B4GALT1: variants seen among roughly 807,000 people sequenced by gnomAD.
The protein encoded by B4GALT1 is beta-1,4-galactosyltransferase 1, also known as N-acetyllactosamine synthase.
B4GALT1 carries 16 observed loss-of-function variants against 34.9 expected under a neutral mutation model. The ratio of observed to expected loss-of-function variants is 0.46; its 90% confidence interval spans 0.31 to 0.70. The LOEUF is 0.70. B4GALT1 is among the 30% of genes least tolerant of loss of function. The pLI is 0.05. For missense variants in B4GALT1, 445 were observed against 530.5 expected (o/e 0.84, Z 1.58); for synonymous variants, 221 against 218.1 (o/e 1.01, Z -0.12).
intron 1 of B4GALT1, among the ~76,000 whole-genome samples, chr9:33,151,139 G>A (rs973632957): frequency 2.6e-5 from 4 of 152,152 alleles, no homozygotes; most frequent in African/African-American, 9.7e-5. Context: ...ACGAGAGACT[G>A]ACCCATCTAA....
downstream of B4GALT1, among the ~76,000 whole-genome samples, chr9:33,108,292 C>T (rs1161324065): frequency 6.6e-6 from 1 of 151,760 alleles, no homozygotes; most frequent in Non-Finnish European, 1.5e-5. Flanking sequence ...TAGTGAGATC[C>T]CTGTCTCTAA....
chr9:33,140,495 TA>T (rs11290421), intron 1 of B4GALT1, among the ~76,000 whole-genome samples: 56,352 of 151,466 alleles, frequency 0.37, 11,173 homozygotes, highest in East Asian at 0.59. Context: ...AAATTTAATT[TA>T]AAAAAAAAAT....
chr9:33,120,505 G>A lies in B4GALT1; in HGVS notation c.750C>T (p.Asp250=), dbSNP rs759084950. 4 of 1,614,176 alleles carry A rather than the reference G, an allele frequency of 2.5e-6. No individual in the cohort carries two copies. Among genetic ancestry groups the A allele is most frequent in the Non-Finnish European group, 3.4e-6 (4 of 1,180,028 alleles). ...DYTCFVFSDV[D]LIPMNDHNAY... is the part of the protein sequence containing the mutation. ...CATTATGGTCATTCATTGGAATGAGGTCCACGTCACTAAACACAAAGCAGG... is the reference window on the plus strand; with the variant it reads ...CATTATGGTCATTCATTGGAATGAGATCCACGTCACTAAACACAAAGCAGG... The change falls in exon 3 of 6, where the codon GAC becomes GAT. Residue 250 remains aspartate (D), a synonymous_variant. Coordinates refer to ENST00000379731, the MANE Select transcript of B4GALT1 (RefSeq NM_001497.4).
At chr9:33,124,699 C>T (rs886186306) in intron 2 of B4GALT1, among the ~76,000 whole-genome samples, 1 of 152,214 alleles carries the variant, frequency 6.6e-6, no homozygotes, top group African/African-American at 2.4e-5. Flanking sequence ...GCTTTCCCAT[C>T]CATCTTGAAC....
At chr9:33,124,048 T>C (rs1200540348) in intron 2 of B4GALT1, among the ~76,000 whole-genome samples, 2 of 152,196 alleles carry the variant, frequency 1.3e-5, no homozygotes, top group Non-Finnish European at 2.9e-5. Flanking sequence ...CTATCATCTA[T>C]CAGGGGCCGT....
At chr9:33,107,230 A>G (rs1839804429), downstream of B4GALT1, among the ~76,000 whole-genome samples, 1 of 152,210 alleles carries the variant, frequency 6.6e-6, no homozygotes, top group Admixed American at 6.5e-5. Flanking sequence ...CTTGCCTGCC[A>G]TGACCGGCTC....
chr9:33,120,308 G>A, intron 3 of B4GALT1, 111 bp downstream of exon 3: 2 of 1,191,146 alleles, frequency 1.7e-6, no homozygotes, highest in Non-Finnish European at 2.5e-6. Context: ...CTCAGAGGAG[G>A]CATTCTGCTC....
At chr9:33,160,985 CT>C (rs1272909189) in intron 1 of B4GALT1, among the ~76,000 whole-genome samples, 1 of 152,044 alleles carries the variant, frequency 6.6e-6, no homozygotes, top group East Asian at 1.9e-4. Context: ...ACCCATACCC[CT>C]ATCCCTATCC....
chr9:33,174,494 C>T, the B4GALT1 span, among the ~76,000 whole-genome samples: 7 of 151,742 alleles, frequency 4.6e-5, no homozygotes, highest in African/African-American at 1.7e-4. Flanking sequence ...ACTGAAAATA[C>T]AAAAATTAGC....
chr9:33,138,609 T>TTC (rs1840304364), intron 1 of B4GALT1, among the ~76,000 whole-genome samples: 1 of 152,174 alleles, frequency 6.6e-6, no homozygotes, highest in South Asian at 2.1e-4. Flanking sequence ...CTTTCTCAGC[T>TTC]TCTTTCTTGG....
In B4GALT1 at chr9:33,143,276, G is replaced by A. The variant is rs147911077; in HGVS notation, c.413-7852C>T. ...GGGCCAGGTGCTCATCCATTCATCT[G>A]TGCTCAGAAACAGTCCTGCCACATG... is the stretch of plus-strand genomic sequence containing the variant. On this transcript the variant is annotated intron_variant, in intron 1 of 5. Coordinates refer to ENST00000379731, the MANE Select transcript of B4GALT1 (RefSeq NM_001497.4). Among the ~76,000 whole-genome samples, 363 of 152,368 alleles carry A rather than the reference G, an allele frequency of 2.4e-3. 1 individual carries two copies. Among genetic ancestry groups the A allele is most frequent in the African/African-American group, 8.3e-3 (345 of 41,594 alleles).
chr9:33,137,271 G>T (rs1840285145), intron 1 of B4GALT1, among the ~76,000 whole-genome samples: 1 of 152,166 alleles, frequency 6.6e-6, no homozygotes, highest in African/African-American at 2.4e-5. Flanking sequence ...TGCCAGAAAT[G>T]CCCTTCCCAC....
At chr9:33,127,254 C>T (rs530621390) in intron 2 of B4GALT1, among the ~76,000 whole-genome samples, 42 of 152,308 alleles carry the variant, frequency 2.8e-4, no homozygotes, top group Admixed American at 2.2e-3. Context: ...TGAGCCACCA[C>T]GCCCAGCCAG....
chr9:33,140,714 C>T (rs1358177058), intron 1 of B4GALT1, among the ~76,000 whole-genome samples: 4 of 152,242 alleles, frequency 2.6e-5, no homozygotes, highest in Non-Finnish European at 5.9e-5. Flanking sequence ...AATCAGCTCC[C>T]CCACCAGTGC....
intron 2 of B4GALT1, among the ~76,000 whole-genome samples, chr9:33,122,480 C>G (rs1840035042): frequency 6.6e-6 from 1 of 151,820 alleles, no homozygotes; most frequent in South Asian, 2.1e-4. Flanking sequence ...GCACTCCAGC[C>G]TGGGCGGCAG....
chr9:33,118,057 C>T (rs1248668537), intron 3 of B4GALT1, among the ~76,000 whole-genome samples: 1 of 152,212 alleles, frequency 6.6e-6, no homozygotes, highest in Non-Finnish European at 1.5e-5. Context: ...GGGCCCCTTC[C>T]TTGTTCACCA....
intron 2 of B4GALT1, chr9:33,104,863 G>A (rs546340753): frequency 1.5e-4 from 64 of 427,848 alleles, no homozygotes; most frequent in African/African-American, 1.2e-3. Context: ...TGTTGCCCAG[G>A]CTGGAGTGCA....
Position 33,113,598 on chromosome 9 carries a change from AG to A in B4GALT1, c.1065-13del, listed in dbSNP as rs750092999. ...CAATTCGGTCAAACCTACAAGGAAAAGAGCACAAGGAGATTGTCTTAAAACA... is the reference window on the plus strand; with the variant it reads ...CAATTCGGTCAAACCTACAAGGAAAAAGCACAAGGAGATTGTCTTAAAACA... On this transcript the variant is annotated splice_polypyrimidine_tract_variant and intron_variant, in intron 5 of 5. Coordinates refer to ENST00000379731, the MANE Select transcript of B4GALT1 (RefSeq NM_001497.4). 1 of 1,614,210 alleles carries A rather than the reference AG, an allele frequency of 6.2e-7. No homozygotes were observed. Among genetic ancestry groups the A allele is most frequent in the Non-Finnish European group, 8.5e-7 (1 of 1,180,034 alleles).
chr9:33,167,254 A>T lies in B4GALT1; in HGVS notation c.-85T>A. 1.4e-6 allele frequency: 2 copies of T among 1,416,970 alleles called. No homozygotes were observed. The highest frequency in any genetic ancestry group is 1.8e-6 in the Non-Finnish European group (2 of 1,087,504). The allele number at this position is 1,416,970 out of a possible 1,614,324, so 87.8% of individuals were successfully genotyped here. A position where few individuals can be genotyped will look rare whatever the true frequency, so the allele number is the denominator to read the frequency against. On this transcript the variant is annotated 5_prime_UTR_variant, in exon 1 of 6. Transcript: ENST00000379731. ...GGCCGCCCGCCAGGCGCTGCCCCAC[A>T]GCGGCGACTAGGGGAGGGCCCGGAG...
Sources: allele counts gnomAD v4.1 joint callset (sites outside exome capture counted in the v4.1 genomes callset), GRCh38; gene constraint gnomAD v4.1.1; transcripts MANE v1.5; gene names NCBI Gene and HGNC (gene_info 2026-07-23, HGNC 2026-07-21).